SLC23A2: variants seen among roughly 807,000 people sequenced by gnomAD.
The protein encoded by SLC23A2 is Na(+)/L-ascorbic acid transporter 2.
Under a neutral mutation model 73.3 loss-of-function variants are expected in SLC23A2, and 36 were observed. The ratio of observed to expected loss-of-function variants is 0.49; its 90% CI spans 0.38 to 0.65. The LOEUF (loss-of-function observed/expected upper bound fraction) is 0.65. Among genes scored for constraint, SLC23A2 ranks in the 30% least tolerant of loss-of-function variants. The probability of loss-of-function intolerance (pLI) is 0.00; values close to 1 mark genes in which losing one functional copy is unlikely to be tolerated. For synonymous variants in SLC23A2, 343 were observed against 327.3 expected, an observed-to-expected ratio of 1.05 and a Z score of -0.52; for missense variants, 507 against 841.6, an observed-to-expected ratio of 0.60 and a Z score of 4.92.
chr20:4,922,703 C>T (rs1033602873), intron 3 of SLC23A2, among the ~76,000 whole-genome samples: 1 of 152,032 alleles, frequency 6.6e-6, no homozygotes, highest in Non-Finnish European at 1.5e-5. Context: ...TCGTGCATGC[C>T]TGTAGTCCCA....
chr20:4,871,733 G>A (rs978561433), intron 11 of SLC23A2, among the ~76,000 whole-genome samples: 2 of 152,108 alleles, frequency 1.3e-5, no homozygotes, highest in Non-Finnish European at 2.9e-5. Context: ...GATGGGGCTC[G>A]ACACACCCTA....
chr20:4,942,374 CAAA>C (rs1216270773), intron 2 of SLC23A2, among the ~76,000 whole-genome samples: 398 of 47,376 alleles, frequency 8.4e-3, no homozygotes, highest in African/African-American at 0.025. Context: ...GCTACAGTCT[CAAA>C]AAAAAAAAAA....
intron 12 of SLC23A2, chr20:4,869,062 T>A (rs560252919): frequency 3.3e-5 from 5 of 152,332 alleles, no homozygotes; most frequent in African/African-American, 1.2e-4. Context: ...ATCCTTGTGC[T>A]TTCTGTCTGT....
chr20:4,876,951 G>A (rs938589025), intron 9 of SLC23A2, among the ~76,000 whole-genome samples: 9 of 151,510 alleles, frequency 5.9e-5, no homozygotes, highest in Admixed American at 2.6e-4. Flanking sequence ...TTGCTTTTCC[G>A]CCTCATCAGA....
intron 4 of SLC23A2, among the ~76,000 whole-genome samples, chr20:4,911,394 T>C (rs1026153098): frequency 6.6e-6 from 1 of 152,204 alleles, no homozygotes; most frequent in African/African-American, 2.4e-5. Flanking sequence ...TGGAATTTTG[T>C]TTAAAAGGGC....
At chr20:4,864,496 C>T (rs185684038) in intron 13 of SLC23A2, among the ~76,000 whole-genome samples, 1 of 151,626 alleles carries the variant, frequency 6.6e-6, no homozygotes, top group African/African-American at 2.4e-5. Flanking sequence ...AAAGATCACT[C>T]AAACTGACAA....
intron 3 of SLC23A2, among the ~76,000 whole-genome samples, chr20:4,916,272 C>G (rs1022369859): frequency 6.6e-6 from 1 of 152,166 alleles, no homozygotes; most frequent in African/African-American, 2.4e-5. Context: ...AAGAGCAACA[C>G]GCTCTCAGGA....
chr20:4,876,027 G>A (rs1375498464), intron 9 of SLC23A2, among the ~76,000 whole-genome samples: 1 of 152,192 alleles, frequency 6.6e-6, no homozygotes, highest in Non-Finnish European at 1.5e-5. Context: ...TCGGTGAACT[G>A]GTGATCCATC....
intron 3 of SLC23A2, among the ~76,000 whole-genome samples, chr20:4,930,795 G>A (rs1187044853): frequency 1.3e-5 from 2 of 151,882 alleles, no homozygotes; most frequent in African/African-American, 4.8e-5. Flanking sequence ...CTCCAGCATG[G>A]GTGACAGAGC....
rs1034023454 is a variant in SLC23A2, at chr20:4,939,194, C to T, written c.-154-6478G>A. ...AGAAAGAAACAGTATCACAGCCTCA[C>T]CATCTTACCTCCACCCCTGGTGCTG... On this transcript the variant is annotated intron_variant, in intron 2 of 16. Transcript: ENST00000338244. 5.9e-5 allele frequency among the ~76,000 whole-genome samples: 9 copies of T among 152,210 alleles called. 1 individual carries two copies. Among genetic ancestry groups the T allele is most frequent in the Non-Finnish European group, 5.9e-5 (4 of 68,026 alleles).
rs1264264699 is a variant in SLC23A2, at chr20:4,899,493, TGCCTTCTGCGCTCAA to T, written c.482+47_482+61del. 2 of 58,850 alleles carry T rather than the reference TGCCTTCTGCGCTCAA, an allele frequency of 3.4e-5. No individual in the cohort carries two copies. The highest frequency in any genetic ancestry group is 5.3e-5 in the Non-Finnish European group (2 of 37,728). The allele number at this position is 58,850 out of a possible 1,614,324, so 3.6% of individuals were successfully genotyped here. ...GCCCTAGGCAAACGGCGCAGCTCAA[TGCCTTCTGCGCTCAA>T]TGCCTTCTGGGGGCTTTGGCATCCC... On this transcript the variant is annotated intron_variant, in intron 6 of 16. Transcript: ENST00000338244. This position sits in a 1 kb window ranked among gnomAD's most constrained non-coding sequence, Gnocchi z 4.9.
At position 4,863,863 on chromosome 20, in the gene SLC23A2, A is replaced by G. The variant is rs953337732; in HGVS notation, c.1357-956T>C. ...ATCCCAACTCCAGGACTATTCCCCC[A>G]TTATAGGCTCTCATAGCACCATGTA... On this transcript the variant is annotated intron_variant, in intron 13 of 16. Transcript: ENST00000338244. The surrounding 1 kb of genome is among the most constrained non-coding windows in gnomAD (Gnocchi z 4.8). 2.0e-5 allele frequency among the ~76,000 whole-genome samples: 3 copies of G among 152,150 alleles called. No individual in the cohort carries two copies. Among genetic ancestry groups the G allele is most frequent in the Non-Finnish European group, 4.4e-5 (3 of 68,028 alleles).
chr20:4,912,125 G>A (rs1363396871), intron 4 of SLC23A2, among the ~76,000 whole-genome samples: 1 of 151,428 alleles, frequency 6.6e-6, no homozygotes. Context: ...GATTATAGGT[G>A]TGAGCCACTG....
In SLC23A2 at chr20:4,872,138, T is replaced by C. The variant is rs1247045686; in HGVS notation, c.1102+1798A>G. ...TTTTTCAACCTCAGCACTGTTGACA[T>C]TTTGCACCAGAAATCTGTATTATAT... is the stretch of plus-strand genomic sequence containing the variant. On this transcript the variant is annotated intron_variant, in intron 11 of 16. Coordinates refer to ENST00000338244, the MANE Select transcript of SLC23A2 (RefSeq NM_005116.6). This position sits in a 1 kb window ranked among gnomAD's most constrained non-coding sequence, Gnocchi z 4.4. 6.6e-6 allele frequency among the ~76,000 whole-genome samples: 1 copy of C among 152,158 alleles called. No individual in the cohort carries two copies. The highest frequency in any genetic ancestry group is 1.5e-5 in the Non-Finnish European group (1 of 68,024).
intron 2 of SLC23A2, among the ~76,000 whole-genome samples, chr20:4,944,609 T>G (rs2087089536): frequency 6.6e-6 from 1 of 152,218 alleles, no homozygotes; most frequent in African/African-American, 2.4e-5. Flanking sequence ...CACCTTGGGA[T>G]AGGCAATCTT....
intron 2 of SLC23A2, among the ~76,000 whole-genome samples, chr20:4,936,874 A>T (rs112027765): frequency 1.1e-4 from 16 of 152,168 alleles, no homozygotes; most frequent in African/African-American, 3.9e-4. Context: ...GAAGCCTTAG[A>T]CCTGAAAGAG....
chr20:4,896,207 G>A (rs1931515268), intron 6 of SLC23A2, among the ~76,000 whole-genome samples: 2 of 152,164 alleles, frequency 1.3e-5, no homozygotes, highest in Non-Finnish European at 2.9e-5. Context: ...CTCTCTCGTT[G>A]CCTCAGTGCC....
Position 4,857,283 on chromosome 20 carries a change from T to TACACAC in SLC23A2, c.1721-85_1721-80dup, listed in dbSNP as rs398035250. ...GAAAATGAAACTGTCGTCAAACACATACACACACACACACACACACACACA... is the reference window on the plus strand; with the variant it reads ...GAAAATGAAACTGTCGTCAAACACATACACACACACACACACACACACACACACACA... On this transcript the variant is annotated intron_variant, in intron 16 of 16. Coordinates refer to ENST00000338244, the MANE Select transcript of SLC23A2 (RefSeq NM_005116.6). This position sits in a 1 kb window ranked among gnomAD's most constrained non-coding sequence, Gnocchi z 4.0. The TACACAC allele has an allele frequency of 6.0e-3, 2,506 of 420,802 alleles. 26 individuals carry two copies. The highest frequency in any genetic ancestry group is 0.017 in the East Asian group (321 of 19,302). 26.1% of individuals were successfully genotyped at this position (420,802 alleles called of 1,614,324 possible).
intron 2 of SLC23A2, among the ~76,000 whole-genome samples, chr20:4,966,403 T>C (rs2087475252): frequency 6.6e-6 from 1 of 152,132 alleles, no homozygotes; most frequent in African/African-American, 2.4e-5. Context: ...GGGTTTAAAC[T>C]GTGCTATCCA....
Sources: gnomAD v4.1 joint callset for allele counts (sites outside exome capture counted in the v4.1 genomes callset) on GRCh38, gnomAD v4.1.1 for gene constraint, Gnocchi (gnomAD v3.1) non-coding constraint, MANE v1.5 for transcripts, NCBI Gene and HGNC (gene_info 2026-07-23, HGNC 2026-07-21) for gene names.